The following MAGI3 variants were observed in gnomAD, a reference collection of about 807,000 sequenced individuals.
The protein encoded by MAGI3 is membrane associated guanylate kinase, WW and PDZ domain containing 3.
Under a neutral mutation model 121.8 loss-of-function variants are expected in MAGI3, and 43 were observed. The ratio of observed to expected loss-of-function variants is 0.35; its 90% CI spans 0.28 to 0.46. MAGI3 has a LOEUF of 0.46. Ranked by LOEUF, MAGI3 falls within the 20% of genes least tolerant of loss-of-function variation. MAGI3 has a pLI of 1.00. For synonymous variants in MAGI3, 553 were observed against 639.3 expected, an observed-to-expected ratio of 0.86 and a Z score of 2.04; for missense variants, 1,547 against 1,797.3, an observed-to-expected ratio of 0.86 and a Z score of 2.52.
At chr1:113,469,513 CTT>C (rs1008693524) in intron 1 of MAGI3, among the ~76,000 whole-genome samples, 1 of 144,744 alleles carries the variant, frequency 6.9e-6, no homozygotes, top group Admixed American at 6.9e-5. Context: ...CAAGCAAAGT[CTT>C]TTTTTTTTTC....
intron 9 of MAGI3, among the ~76,000 whole-genome samples, chr1:113,629,763 C>CTCT (rs143631602): frequency 2.7e-4 from 12 of 45,164 alleles, no homozygotes; most frequent in South Asian, 1.2e-3. Context: ...TCTCTCTCTC[C>CTCT]CTCCCTCCCT....
At chr1:113,541,457 G>A (rs373894973) in intron 1 of MAGI3, among the ~76,000 whole-genome samples, 63 of 152,274 alleles carry the variant, frequency 4.1e-4, no homozygotes, top group South Asian at 2.5e-3. Flanking sequence ...TTTAAAAATG[G>A]AAATGGCTCA....
chr1:113,456,367 G>A (rs980364675), intron 1 of MAGI3, among the ~76,000 whole-genome samples: 13 of 152,048 alleles, frequency 8.5e-5, no homozygotes, highest in Non-Finnish European at 1.5e-5. Context: ...ATTCTTGTAA[G>A]CTTTCTAGGA....
At chr1:113,510,031 A>C (rs2101609364) in intron 1 of MAGI3, among the ~76,000 whole-genome samples, 1 of 152,292 alleles carries the variant, frequency 6.6e-6, no homozygotes, top group East Asian at 1.9e-4. Context: ...ATTGTTATAC[A>C]CATGCAGTTT....
At chr1:113,470,636 T>C (rs1375785733) in intron 1 of MAGI3, among the ~76,000 whole-genome samples, 2 of 152,226 alleles carry the variant, frequency 1.3e-5, no homozygotes, top group East Asian at 3.8e-4. Flanking sequence ...ATTAGATTTC[T>C]ATAATTTATT....
chr1:113,473,664 C>T (rs575698013), intron 1 of MAGI3, among the ~76,000 whole-genome samples: 15 of 152,186 alleles, frequency 9.9e-5, no homozygotes, highest in East Asian at 5.8e-4. Flanking sequence ...TCCAGTCTAT[C>T]ATCGATGGAC....
intron 1 of MAGI3, among the ~76,000 whole-genome samples, chr1:113,441,951 A>C (rs1009617228): frequency 3.3e-5 from 5 of 152,206 alleles, no homozygotes; most frequent in Non-Finnish European, 4.4e-5. Context: ...ACATCTGATT[A>C]TTGCATGATT....
intron 1 of MAGI3, among the ~76,000 whole-genome samples, chr1:113,443,294 T>C (rs879226389): frequency 1.3e-5 from 2 of 152,166 alleles, no homozygotes; most frequent in African/African-American, 4.8e-5. Flanking sequence ...AGTTGAAAAT[T>C]TTTAATGCAC....
rs753457259 is a variant in MAGI3 at position 113,642,365 on chromosome 1, G to T, written c.1815G>T (p.Leu605=). 5 of 1,613,986 alleles carry T rather than the reference G, an allele frequency of 3.1e-6. No individual in the cohort carries two copies. In the African/African-American group the frequency reaches 6.7e-5, roughly 22 times the overall value. ...CTGGACAGAAGGTGAAAATGATACT[G>T]GATAGTCAGTGGTGTCAAGGCCTTC... ...SPTGQKVKMI[L]DSQWCQGLQK... The change falls in exon 10 of 21, where the codon CTG becomes CTT. Residue 605 remains leucine, a synonymous_variant. Coordinates refer to ENST00000307546, the MANE Select transcript of MAGI3 (RefSeq NM_001142782.2).
intron 3 of MAGI3, among the ~76,000 whole-genome samples, chr1:113,583,406 C>CA (rs1429553460): frequency 6.6e-6 from 1 of 151,900 alleles, no homozygotes; most frequent in African/African-American, 2.4e-5. Context: ...AAAATCTTTT[C>CA]AGTGATTATG....
At chr1:113,645,022 CTTTT>C (rs10548467) in intron 11 of MAGI3, among the ~76,000 whole-genome samples, 1 of 104,340 alleles carries the variant, frequency 9.6e-6, no homozygotes, top group Non-Finnish European at 1.9e-5. Context: ...AGCTTCTGGC[CTTTT>C]TTTTTTTTTT....
chr1:113,623,515 T>A (rs535957342), intron 9 of MAGI3, among the ~76,000 whole-genome samples: 2 of 143,214 alleles, frequency 1.4e-5, no homozygotes, highest in East Asian at 4.3e-4. Flanking sequence ...TGAGACGGAG[T>A]CTTGCTCTGT....
At chr1:113,623,548 C>T (rs890037964) in intron 9 of MAGI3, among the ~76,000 whole-genome samples, 1 of 150,736 alleles carries the variant, frequency 6.6e-6, no homozygotes, top group African/African-American at 2.4e-5. Flanking sequence ...AGTGCAGTGG[C>T]GCGATCTCGG....
intron 19 of MAGI3, among the ~76,000 whole-genome samples, chr1:113,673,839 CA>C (rs1174788903): frequency 6.6e-6 from 1 of 152,106 alleles, no homozygotes. Context: ...TAACTTTTTC[CA>C]GGAGGCAATA....
chr1:113,614,758 G>C (rs1650356087), intron 7 of MAGI3, 100 bp downstream of exon 7: 6 of 795,872 alleles, frequency 7.5e-6, no homozygotes, highest in African/African-American at 1.8e-5. Flanking sequence ...CTGTGATCCA[G>C]CTGTTGAGTT....
chr1:113,434,447 A>C (rs1175781369), intron 1 of MAGI3, among the ~76,000 whole-genome samples: 1 of 152,136 alleles, frequency 6.6e-6, no homozygotes, highest in Admixed American at 6.6e-5. Context: ...TACTAGTTAT[A>C]CTGCTCTATT....
intron 14 of MAGI3, among the ~76,000 whole-genome samples, chr1:113,652,463 G>A (rs755067286): frequency 2.0e-5 from 3 of 152,090 alleles, no homozygotes; most frequent in Non-Finnish European, 4.4e-5. Context: ...GTAAATACCA[G>A]GCATTTAGAA....
At chr1:113,468,982 G>A (rs1655420149) in intron 1 of MAGI3, among the ~76,000 whole-genome samples, 1 of 152,064 alleles carries the variant, frequency 6.6e-6, no homozygotes, top group Non-Finnish European at 1.5e-5. Flanking sequence ...TCTAGAAATT[G>A]TGACCATAAG....
At chr1:113,468,186 T>G (rs1214336117) in intron 1 of MAGI3, among the ~76,000 whole-genome samples, 1 of 152,232 alleles carries the variant, frequency 6.6e-6, no homozygotes, top group African/African-American at 2.4e-5. Context: ...CTTTGCCTTT[T>G]AATTGGAGAA....
Sources: allele counts gnomAD v4.1 joint callset (sites outside exome capture counted in the v4.1 genomes callset), GRCh38; gene constraint gnomAD v4.1.1; transcripts MANE v1.5; gene names NCBI Gene and HGNC (gene_info 2026-07-23, HGNC 2026-07-21).